The following TRIM33 variants were observed in gnomAD, a reference collection of about 807,000 sequenced individuals.
TRIM33 encodes the protein E3 ubiquitin-protein ligase TRIM33.
Under a neutral mutation model 125.4 loss-of-function variants are expected in TRIM33, and 20 were observed. The ratio of observed to expected loss-of-function variants is 0.16; its 90% confidence interval spans 0.11 to 0.23. TRIM33 has a LOEUF of 0.23. Ranked by LOEUF, TRIM33 falls within the 10% of genes least tolerant of loss-of-function variation. TRIM33 has a pLI of 1.00. For missense variants in TRIM33, 920 were observed against 1,411.4 expected, an observed-to-expected ratio of 0.65 and a Z score of 5.58; for synonymous variants, 564 against 513.9, an observed-to-expected ratio of 1.10 and a Z score of -1.32.
Position 114,408,729 on chromosome 1 carries a change from A to G in TRIM33, c.2206T>C (p.Ser736Pro). ...LSPGSSGLSN[S>P]HTPVRPPSTS... The stretch of plus-strand genomic sequence containing the variant: ...CTTGGGGGTCTCACAGGTGTGTGAG[A>G]ATTGGATAAACCTAAAAAGTAGTAA... Residue 736 changes from serine (S) to proline (P), a missense_variant, in exon 13 of 20, where the codon TCT becomes CCT. By Grantham distance (74) the Ser-to-Pro change is moderately conservative. Coordinates refer to ENST00000358465, the MANE Select transcript of TRIM33 (RefSeq NM_015906.4). 1.2e-6 allele frequency: 2 copies of G among 1,602,566 alleles called. No individual in the cohort carries two copies. The highest frequency in any genetic ancestry group is 2.0e-4 in the Middle Eastern group (1 of 4,910).
intron 1 of TRIM33, among the ~76,000 whole-genome samples, chr1:114,492,781 T>C (rs1652147969): frequency 6.6e-6 from 1 of 152,230 alleles, no homozygotes; most frequent in African/African-American, 2.4e-5. Context: ...TAATATCCCA[T>C]TACATGTATA....
rs933562798 is a variant in TRIM33, at chr1:114,500,966, G to A, written c.526+9585C>T. Among the ~76,000 whole-genome samples, 5 of 65,094 alleles carry A rather than the reference G, an allele frequency of 7.7e-5. 1 individual carries two copies. The highest frequency in any genetic ancestry group is 4.2e-4 in the East Asian group (2 of 4,790). 42.7% of individuals were successfully genotyped at this position (65,094 alleles called of 152,430 possible). A position where few individuals can be genotyped will look rare whatever the true frequency, so the allele number is the denominator to read the frequency against. On this transcript the variant is annotated intron_variant, in intron 1 of 19. Coordinates refer to ENST00000358465, the MANE Select transcript of TRIM33 (RefSeq NM_015906.4). Reference sequence around the variant, plus strand: ...AGCACTTTGGGAGGCCGAGGCGGGCGGATCACGAGGTCAGGAGATCGAGAC... The same window carrying A: ...AGCACTTTGGGAGGCCGAGGCGGGCAGATCACGAGGTCAGGAGATCGAGAC...
At chr1:114,493,491 C>T (rs545505608) in intron 1 of TRIM33, among the ~76,000 whole-genome samples, 1 of 152,144 alleles carries the variant, frequency 6.6e-6, no homozygotes, top group African/African-American at 2.4e-5. Flanking sequence ...CACTATGTTG[C>T]CCAAGCTGAT....
chr1:114,479,497 C>T (rs772985923), intron 1 of TRIM33, among the ~76,000 whole-genome samples: 14 of 151,920 alleles, frequency 9.2e-5, no homozygotes, highest in Non-Finnish European at 1.8e-4. Context: ...AATTATAAAC[C>T]AAGAATTGTA....
At chr1:114,472,531 G>A (rs1180662831) in intron 1 of TRIM33, among the ~76,000 whole-genome samples, 2 of 152,134 alleles carry the variant, frequency 1.3e-5, no homozygotes, top group African/African-American at 4.8e-5. Context: ...CTAGGAGTTT[G>A]AGATCAGCCT....
chr1:114,427,368 G>T lies in TRIM33; in HGVS notation c.1303-74C>A, dbSNP rs1202345094. 7 of 808,072 alleles carry T rather than the reference G, an allele frequency of 8.7e-6. No individual in the cohort carries two copies. In the Admixed American group the frequency reaches 1.7e-4, roughly 19 times the overall value. 50.1% of individuals were successfully genotyped at this position (808,072 alleles called of 1,614,324 possible). ...GGAAATCATAAGATAAAGACATTAA[G>T]AAAAAAAAGCACATATATTCCCACA... On this transcript the variant is annotated intron_variant, in intron 7 of 19. Transcript: ENST00000358465.
intron 9 of TRIM33, 129 bp downstream of exon 9, chr1:114,425,320 A>T: frequency 2.4e-6 from 3 of 1,239,216 alleles, no homozygotes; most frequent in Non-Finnish European, 2.3e-6. Flanking sequence ...GCAAATATTT[A>T]AACTCTGACT....
chr1:114,479,466 A>C (rs1651167027), intron 1 of TRIM33, among the ~76,000 whole-genome samples: 2 of 152,244 alleles, frequency 1.3e-5, no homozygotes, highest in African/African-American at 2.4e-5. Context: ...GGAAGCAATA[A>C]AATGACATAT....
intron 4 of TRIM33, among the ~76,000 whole-genome samples, chr1:114,454,503 T>C (rs369065676): frequency 1.3e-5 from 2 of 151,738 alleles, no homozygotes; most frequent in East Asian, 3.9e-4. Flanking sequence ...CTGGGCAACA[T>C]AGGAAGTCTT....
chr1:114,434,654 A>G (rs551847609), intron 4 of TRIM33, among the ~76,000 whole-genome samples: 2 of 152,312 alleles, frequency 1.3e-5, no homozygotes, highest in African/African-American at 4.8e-5. Flanking sequence ...TTATTAAGTC[A>G]ACAAATATTA....
chr1:114,474,277 A>G (rs999516142), intron 1 of TRIM33, among the ~76,000 whole-genome samples: 5 of 152,080 alleles, frequency 3.3e-5, no homozygotes, highest in East Asian at 1.9e-4. Context: ...CAGTAATTAC[A>G]TAAGAGCTGG....
chr1:114,436,766 G>A (rs1648336931), intron 4 of TRIM33, among the ~76,000 whole-genome samples: 2 of 152,004 alleles, frequency 1.3e-5, no homozygotes, highest in African/African-American at 4.8e-5. Context: ...CTCCTGGCAA[G>A]AGGCTTTTAA....
At chr1:114,473,666 T>C (rs903608090) in intron 1 of TRIM33, among the ~76,000 whole-genome samples, 1 of 151,986 alleles carries the variant, frequency 6.6e-6, no homozygotes, top group African/African-American at 2.4e-5. Flanking sequence ...AGTTTAGAAG[T>C]AGAAGGCAAA....
rs1047363059 is a variant in TRIM33 at position 114,501,018 on chromosome 1, G to A, written c.526+9533C>T. Among the ~76,000 whole-genome samples the A allele has an allele frequency of 1.9e-4, 15 of 78,664 alleles. 3 individuals are homozygous for A. The highest frequency in any genetic ancestry group is 1.5e-3 in the Admixed American group (14 of 9,382). 51.6% of individuals were successfully genotyped at this position (78,664 alleles called of 152,430 possible). A position where few individuals can be genotyped will look rare whatever the true frequency, so the allele number is the denominator to read the frequency against. Reference sequence around the variant, plus strand: ...ATCCCGGCTAACACGGTAAAACCCCGTCTCTACTAAAAATACAAAAAATTA... The same window carrying A: ...ATCCCGGCTAACACGGTAAAACCCCATCTCTACTAAAAATACAAAAAATTA... On this transcript the variant is annotated intron_variant, in intron 1 of 19. Transcript: ENST00000358465.
chr1:114,419,913 T>C (rs958412970), intron 11 of TRIM33, among the ~76,000 whole-genome samples: 13 of 152,170 alleles, frequency 8.5e-5, no homozygotes, highest in Non-Finnish European at 1.6e-4. Flanking sequence ...TTTGAAGCTA[T>C]AGAAATATCT....
Position 114,510,577 on chromosome 1 carries a change from C to G in TRIM33, c.500G>C (p.Gly167Ala). ...PERQLSVPIPGGSNGDIQQVG... is the reference protein window; with the variant it reads ...PERQLSVPIPAGSNGDIQQVG... ...TTGCTGGATGTCGCCGTTGCTGCCCCCCGGGATGGGCACGCTGAGCTGGCG... is the reference window on the plus strand; with the variant it reads ...TTGCTGGATGTCGCCGTTGCTGCCCGCCGGGATGGGCACGCTGAGCTGGCG... The change falls in exon 1 of 20, where the codon GGG (glycine) becomes GCG (alanine). Residue 167 changes from glycine to alanine, a missense_variant. By Grantham distance (60) the Gly-to-Ala change is moderately conservative (BLOSUM62 0). Coordinates refer to ENST00000358465, the MANE Select transcript of TRIM33 (RefSeq NM_015906.4). 1.3e-6 allele frequency: 2 copies of G among 1,525,002 alleles called. No individual in the cohort carries two copies. Among genetic ancestry groups the G allele is most frequent in the African/African-American group, 1.4e-5 (1 of 72,484 alleles). 94.5% of individuals were successfully genotyped at this position (1,525,002 alleles called of 1,614,324 possible).
At chr1:114,419,200 CAA>C (rs35757503) in intron 11 of TRIM33, among the ~76,000 whole-genome samples, 1,130 of 54,212 alleles carry the variant, frequency 0.021, 3 homozygotes, top group Non-Finnish European at 0.035. Context: ...GACACCATCT[CAA>C]AAAAAAAAAA....
intron 1 of TRIM33, chr1:114,469,249 G>A: frequency 4.9e-6 from 1 of 202,150 alleles, no homozygotes. Context: ...GACTGTCATG[G>A]GCAAGCAAGC....
chr1:114,484,983 C>T (rs780203501), intron 1 of TRIM33, among the ~76,000 whole-genome samples: 7 of 149,034 alleles, frequency 4.7e-5, no homozygotes, highest in Non-Finnish European at 8.9e-5. Context: ...ACCTGGGAGG[C>T]GGAGGTTGCA....
Sources: gnomAD v4.1 joint callset for allele counts (sites outside exome capture counted in the v4.1 genomes callset) on GRCh38, gnomAD v4.1.1 for gene constraint, MANE v1.5 for transcripts, NCBI Gene and HGNC (gene_info 2026-07-23, HGNC 2026-07-21) for gene names.